Variants in LNX2 observed in about 807,000 individuals in gnomAD.
LNX2 encodes ligand of numb-protein X 2.
A neutral mutation model predicts 66.2 loss-of-function variants in LNX2; 35 were observed. That is an observed-to-expected ratio of 0.53 (90% confidence interval 0.40 to 0.70). The LOEUF (loss-of-function observed/expected upper bound fraction) is 0.70, where lower values mean the gene tolerates loss of function less well. Ranked by LOEUF, LNX2 falls within the 30% of genes least tolerant of loss-of-function variation. LNX2 has a pLI of 0.00. For synonymous variants in LNX2, 337 were observed against 315.6 expected (o/e 1.07, Z -0.72); for missense variants, 791 against 850.8 (o/e 0.93, Z 0.87).
Position 27,617,732 on chromosome 13 carries a change from C to T in LNX2, c.-101+2643G>A, listed in dbSNP as rs141726602. ...TTTTCTTTTCTATTCTTTCCTAGCT[C>T]CTGTGAGACACAACTATCCAACAAC... On this transcript the variant is annotated intron_variant, in intron 1 of 9. Coordinates refer to ENST00000316334, the MANE Select transcript of LNX2 (RefSeq NM_153371.4). Among the ~76,000 whole-genome samples, 544 of 152,294 alleles carry T rather than the reference C, an allele frequency of 3.6e-3. 5 individuals are homozygous for T. The highest frequency in any genetic ancestry group is 5.9e-3 in the Non-Finnish European group (398 of 68,020).
intron 2 of LNX2, among the ~76,000 whole-genome samples, chr13:27,578,382 G>T (rs1227800720): frequency 6.6e-6 from 1 of 152,132 alleles, no homozygotes; most frequent in Non-Finnish European, 1.5e-5. Context: ...AAACAAGTGA[G>T]ATTTGTATAC....
intron 4 of LNX2, 83 bp downstream of exon 4, chr13:27,567,557 C>A: frequency 8.7e-7 from 1 of 1,150,990 alleles, no homozygotes; most frequent in Non-Finnish European, 1.3e-6. Context: ...AATTTAGGTT[C>A]CAAAACAGCA....
At chr13:27,599,956 C>T (rs1406548123) in intron 1 of LNX2, among the ~76,000 whole-genome samples, 1 of 152,102 alleles carries the variant, frequency 6.6e-6, no homozygotes, top group African/African-American at 2.4e-5. Context: ...ATGAAGAAAA[C>T]CTAAGAGTAA....
rs1357480109 is a variant in LNX2 at position 27,553,422 on chromosome 13, T to C, written c.1564A>G (p.Ile522Val). 2.5e-6 allele frequency: 4 copies of C among 1,614,022 alleles called. No homozygotes were observed. In the South Asian group the frequency reaches 4.4e-5, roughly 18 times the overall value. ...AAATTGGTCAAATCAATGCCGTTGA[T>C]ATTTAGCAACACATCACCTGTTCAG... ...RIKRGDVLLN[I>V]NGIDLTNLSH... Residue 522 changes from isoleucine to valine, a missense_variant, in exon 8 of 10, where the codon ATC becomes GTC. Coordinates refer to ENST00000316334, the MANE Select transcript of LNX2 (RefSeq NM_153371.4).
Position 27,581,689 on chromosome 13 carries a change from A to T in LNX2, c.15T>A (p.Ser5Arg), listed in dbSNP as rs1183837492. Reference sequence around the variant, plus strand: ...TCTGTTCCACAGACACCATCTCATCACTTGTTGTTCCCATTTTGAATCAAT... The same window carrying T: ...TCTGTTCCACAGACACCATCTCATCTCTTGTTGTTCCCATTTTGAATCAAT... MGTT[S>R]DEMVSVEQTS... The change falls in exon 2 of 10, where the codon AGT (serine) becomes AGA (arginine). Residue 5 changes from serine to arginine, a missense_variant. Transcript: ENST00000316334. 4.4e-6 allele frequency: 7 copies of T among 1,602,284 alleles called. No homozygotes were observed. Among genetic ancestry groups the T allele is most frequent in the South Asian group, 1.1e-5 (1 of 89,070 alleles).
intron 1 of LNX2, among the ~76,000 whole-genome samples, chr13:27,591,220 C>T (rs567294294): frequency 6.6e-6 from 1 of 152,326 alleles, no homozygotes; most frequent in African/African-American, 2.4e-5. Flanking sequence ...ACAGTTCTAA[C>T]ACTGAGAAAA....
At chr13:27,606,678 A>G (rs1955720857) in intron 1 of LNX2, among the ~76,000 whole-genome samples, 1 of 152,330 alleles carries the variant, frequency 6.6e-6, no homozygotes, top group East Asian at 1.9e-4. Context: ...ATACAAAAAA[A>G]CTAACAGCAG....
chr13:27,581,459 T>A lies in LNX2; in HGVS notation c.245A>T (p.Asp82Val). The change falls in exon 2 of 10, where the codon GAT (aspartate) becomes GTT (valine). Residue 82 changes from aspartate to valine, a missense_variant. Physicochemically the swap from Asp to Val is radical, Grantham distance 152 (BLOSUM62 -3). Transcript: ENST00000316334. Reference sequence around the variant, plus strand: ...TCTTTTCCGGTCCAACGGACAGAAATCTTTCTCTTGTAAAAAGTTTCTGAG... The same window carrying A: ...TCTTTTCCGGTCCAACGGACAGAAAACTTTCTCTTGTAAAAAGTTTCTGAG... ...KCLRNFLQEK[D>V]FCPLDRKRLH... 1 of 1,611,270 alleles carries A rather than the reference T, an allele frequency of 6.2e-7. No homozygotes were observed. The highest frequency in any genetic ancestry group is 8.5e-7 in the Non-Finnish European group (1 of 1,177,770).
At chr13:27,570,600 A>G (rs1955267206) in intron 2 of LNX2, among the ~76,000 whole-genome samples, 2 of 152,348 alleles carry the variant, frequency 1.3e-5, no homozygotes, top group Non-Finnish European at 2.9e-5. Context: ...AGGGCCTGAC[A>G]AGTATTTTTG....
In LNX2 at chr13:27,567,794, A is replaced by T; in HGVS notation, c.701T>A (p.Ile234Asn). The T allele has an allele frequency of 6.2e-7, 1 of 1,614,098 alleles. No individual in the cohort carries two copies. The highest frequency in any genetic ancestry group is 8.5e-7 in the Non-Finnish European group (1 of 1,179,994). ...GTAAGGATTGGACCGATGAATTTCA[A>T]TCGTGGTGATTTCTCCTTCTGGTAA... Reference protein sequence around the residue: ...LSLPEGEITTIEIHRSNPYIQ... With the variant: ...LSLPEGEITTNEIHRSNPYIQ... The change falls in exon 4 of 10, where the codon ATT (isoleucine) becomes AAT (asparagine). Residue 234 changes from isoleucine (I) to asparagine (N), a missense_variant. Ile to Asn is a moderately radical substitution (Grantham distance 149, BLOSUM62 -3). Transcript: ENST00000316334.
intron 1 of LNX2, among the ~76,000 whole-genome samples, chr13:27,594,649 C>G (rs1457182835): frequency 6.6e-6 from 1 of 152,158 alleles, no homozygotes; most frequent in East Asian, 1.9e-4. Flanking sequence ...ATCTGCCTCA[C>G]ACTTGTGTTC....
chr13:27,613,242 C>T (rs536806831), intron 1 of LNX2, among the ~76,000 whole-genome samples: 19 of 151,958 alleles, frequency 1.3e-4, no homozygotes, highest in African/African-American at 3.4e-4. Context: ...TGGATAGAGA[C>T]GCTCTGCAAG....
intron 1 of LNX2, among the ~76,000 whole-genome samples, chr13:27,588,003 A>C (rs548561110): frequency 7.5e-6 from 1 of 133,432 alleles, no homozygotes; most frequent in South Asian, 2.5e-4. Context: ...TCTGGGCAAG[A>C]GTGCGAGACT....
At chr13:27,615,556 G>A (rs1470318915) in intron 1 of LNX2, among the ~76,000 whole-genome samples, 1 of 152,174 alleles carries the variant, frequency 6.6e-6, no homozygotes, top group East Asian at 1.9e-4. Context: ...GGGGCTGACA[G>A]TCCTAACCCT....
chr13:27,556,290 C>A lies in LNX2; in HGVS notation c.1492G>T (p.Val498Leu). The A allele has an allele frequency of 6.2e-7, 1 of 1,614,050 alleles. No homozygotes were observed. The highest frequency in any genetic ancestry group is 8.5e-7 in the Non-Finnish European group (1 of 1,179,980). Residue 498 changes from valine to leucine, a missense_variant, in exon 7 of 10, where the codon GTG becomes TTG. Val to Leu is a conservative substitution (Grantham distance 32). Coordinates refer to ENST00000316334, the MANE Select transcript of LNX2 (RefSeq NM_153371.4). ...CAGCCATGGGGTGGCACACTGGTCA[C>A]AAAGATGGGCAGCTCACCACTCTTA... is the stretch of plus-strand genomic sequence containing the variant. ...GSKSGELPIF[V>L]TSVPPHGCLA...
intron 1 of LNX2, among the ~76,000 whole-genome samples, chr13:27,583,295 C>T (rs938077660): frequency 1.7e-5 from 2 of 114,468 alleles, no homozygotes; most frequent in Admixed American, 1.8e-4. Flanking sequence ...TAAGTTCGAT[C>T]TGTTGCCCGG....
At chr13:27,567,548 A>T in intron 4 of LNX2, 92 bp downstream of exon 4, 2 of 979,122 alleles carry the variant, frequency 2.0e-6, no homozygotes, top group South Asian at 1.4e-5. Context: ...TCTATATATA[A>T]TTTAGGTTCC....
At chr13:27,569,677 G>T (rs1232020468) in intron 2 of LNX2, among the ~76,000 whole-genome samples, 1 of 152,116 alleles carries the variant, frequency 6.6e-6, no homozygotes, top group African/African-American at 2.4e-5. Context: ...CCCACAAGTG[G>T]TTGCGTCCTG....
intron 7 of LNX2, among the ~76,000 whole-genome samples, chr13:27,554,722 C>A (rs961061387): frequency 6.6e-6 from 1 of 152,240 alleles, no homozygotes; most frequent in South Asian, 2.1e-4. Context: ...GTATGAACAG[C>A]TGTTTTCATT....
Sources: allele counts gnomAD v4.1 joint callset (sites outside exome capture counted in the v4.1 genomes callset), GRCh38; gene constraint gnomAD v4.1.1; transcripts MANE v1.5; gene names NCBI Gene and HGNC (gene_info 2026-07-23, HGNC 2026-07-21).